Variants in UBE4B observed in about 807,000 individuals in gnomAD.
The protein encoded by UBE4B is ubiquitination factor E4B.
Under a neutral mutation model 148.1 loss-of-function variants are expected in UBE4B, and 27 were observed. That is an observed-to-expected ratio of 0.18 (90% CI 0.13 to 0.25). The LOEUF (loss-of-function observed/expected upper bound fraction) is 0.25. Ranked by LOEUF, UBE4B falls within the 10% of genes least tolerant of loss-of-function variation. The pLI, the probability that UBE4B is intolerant of heterozygous loss-of-function variation, is 1.00. For synonymous variants in UBE4B, 596 were observed against 619.3 expected (o/e 0.96, Z 0.56); for missense variants, 1,170 against 1,662.4 (o/e 0.70, Z 5.15).
At chr1:10,163,684 A>G (rs1484623979) in intron 23 of UBE4B, among the ~76,000 whole-genome samples, 2 of 152,036 alleles carry the variant, frequency 1.3e-5, no homozygotes, top group Non-Finnish European at 2.9e-5. Flanking sequence ...ATAAATAAAT[A>G]TTAAAGAGAG....
chr1:10,068,355 CTTT>C (rs111908496), intron 1 of UBE4B, among the ~76,000 whole-genome samples: 2 of 130,888 alleles, frequency 1.5e-5, no homozygotes. Flanking sequence ...TTTTCTTTTT[CTTT>C]TTTTTTTTTG....
intron 1 of UBE4B, among the ~76,000 whole-genome samples, chr1:10,067,117 C>T (rs1163255626): frequency 6.6e-6 from 1 of 152,078 alleles, no homozygotes; most frequent in Non-Finnish European, 1.5e-5. Context: ...ATAAGAGGAA[C>T]AGTTTGGCCC....
intron 1 of UBE4B, among the ~76,000 whole-genome samples, chr1:10,064,766 CTTT>C (rs1210924189): frequency 7.2e-6 from 1 of 139,202 alleles, no homozygotes; most frequent in Non-Finnish European, 1.6e-5. Flanking sequence ...CTATTCTGGA[CTTT>C]TTTTTTTTTT....
In UBE4B at chr1:10,043,421, C is replaced by CTTTTT. The variant is rs35513799; in HGVS notation, c.24+9745_24+9749dup. Among the ~76,000 whole-genome samples the CTTTTT allele has an allele frequency of 3.9e-4, 43 of 110,852 alleles. 2 individuals are homozygous for CTTTTT. Among genetic ancestry groups the CTTTTT allele is most frequent in the East Asian group, 8.3e-4 (3 of 3,602 alleles). 72.7% of individuals were successfully genotyped at this position (110,852 alleles called of 152,430 possible). On this transcript the variant is annotated intron_variant, in intron 1 of 27. Transcript: ENST00000343090. The stretch of plus-strand genomic sequence containing the variant: ...TAATATCTTTGAAATTGAGATGCTG[C>CTTTTT]TTTTTTTTTTTTTTTTTTTTTTGAG...
intron 8 of UBE4B, 22 bp downstream of exon 8, chr1:10,117,622 TAAAA>T (rs77011101): frequency 6.1e-5 from 74 of 1,212,366 alleles, no homozygotes; most frequent in Non-Finnish European, 8.1e-5. Flanking sequence ...TGGATTAACT[TAAAA>T]AAAAAAAAGC....
intron 17 of UBE4B, among the ~76,000 whole-genome samples, chr1:10,141,459 C>T (rs1645780819): frequency 6.6e-6 from 1 of 152,142 alleles, no homozygotes; most frequent in African/African-American, 2.4e-5. Context: ...CCCCTAGAGC[C>T]TCCAGAAGGA....
rs1420951347 is a variant in UBE4B at position 10,179,492 on chromosome 1, G to T, written c.3777G>T (p.Leu1259=). 1.9e-6 allele frequency: 3 copies of T among 1,613,948 alleles called. No homozygotes were observed. The Admixed American group carries it at 5.0e-5, about 27-fold the overall frequency. ...CCATCATGGACCGCTCCATCATCCT[G>T]CGGCACCTGCTCAACTCCCCCACGG... ...SGTIMDRSII[L]RHLLNSPTDP... is the part of the protein sequence containing the mutation. Residue 1259 remains leucine (L), a synonymous_variant, in exon 27 of 28, where the codon CTG becomes CTT. Transcript: ENST00000343090.
chr1:10,128,463 T>G (rs1645538339), intron 11 of UBE4B: 1 of 152,240 alleles, frequency 6.6e-6, no homozygotes, highest in Non-Finnish European at 1.5e-5. Flanking sequence ...GTGCCATACG[T>G]TGGAATCACC....
In UBE4B at chr1:10,144,964, T is replaced by A. The variant is rs746801529; in HGVS notation, c.2388T>A (p.Asn796Lys). 6.2e-7 allele frequency: 1 copy of A among 1,613,558 alleles called. No individual in the cohort carries two copies. Among genetic ancestry groups the A allele is most frequent in the Non-Finnish European group, 8.5e-7 (1 of 1,179,778 alleles). ...LNRTVEDLKN[N>K]ESQWKDSPLA... is the part of the protein sequence containing the mutation. ...GAACTGTAGAAGATTTGAAAAATAATGAAAGCCAATGGAAAGATTCCCCAC... is the reference window on the plus strand; with the variant it reads ...GAACTGTAGAAGATTTGAAAAATAAAGAAAGCCAATGGAAAGATTCCCCAC... Residue 796 changes from asparagine to lysine, a missense_variant, in exon 18 of 28, where the codon AAT becomes AAA. Asn to Lys is a moderately conservative substitution (Grantham distance 94). Around this residue, in one of 6 missense-constraint regions of UBE4B, gnomAD observed 388 missense variants for 536.0 expected, o/e 0.72. Transcript: ENST00000343090.
chr1:10,055,278 C>A (rs1342928110), intron 1 of UBE4B, among the ~76,000 whole-genome samples: 1 of 151,148 alleles, frequency 6.6e-6, no homozygotes, highest in Non-Finnish European at 1.5e-5. Flanking sequence ...ATCATTTTTT[C>A]TTTTCTTTTC....
At chr1:10,149,382 T>C in intron 20 of UBE4B, 100 bp downstream of exon 20, 1 of 939,022 alleles carries the variant, frequency 1.1e-6, no homozygotes, top group East Asian at 2.8e-5. Flanking sequence ...TGCCTGAAAT[T>C]TGATGTAACT....
chr1:10,120,273 C>G (rs1471719316), intron 9 of UBE4B, among the ~76,000 whole-genome samples: 2 of 152,180 alleles, frequency 1.3e-5, no homozygotes, highest in South Asian at 4.1e-4. Context: ...GTAATCCCAG[C>G]ACTTTGGGAG....
At chr1:10,033,726 A>G in intron 1 of UBE4B, 32 bp downstream of exon 1, 1 of 1,541,196 alleles carries the variant, frequency 6.5e-7, no homozygotes, top group Non-Finnish European at 8.7e-7. Flanking sequence ...TTGAGGGATT[A>G]GTTGGCAACT....
chr1:10,039,016 C>T (rs943963538), intron 1 of UBE4B, among the ~76,000 whole-genome samples: 1 of 151,828 alleles, frequency 6.6e-6, no homozygotes, highest in Non-Finnish European at 1.5e-5. Flanking sequence ...GCCGAGATTG[C>T]GCCACTGTAC....
At chr1:10,127,010 G>C in intron 11 of UBE4B, 133 bp downstream of exon 11, 1 of 783,218 alleles carries the variant, frequency 1.3e-6, no homozygotes, top group Non-Finnish European at 2.1e-6. Flanking sequence ...CACTGTGTTG[G>C]CCATGCAGAG....
intron 9 of UBE4B, among the ~76,000 whole-genome samples, chr1:10,120,096 ATTTTTG>A (rs1378549688): frequency 6.6e-6 from 1 of 152,178 alleles, no homozygotes; most frequent in African/African-American, 2.4e-5. Flanking sequence ...AAGGTTGCAA[ATTTTTG>A]TTTTTATTTT....
At chr1:10,074,800 C>T (rs1644550633) in intron 2 of UBE4B, among the ~76,000 whole-genome samples, 1 of 152,224 alleles carries the variant, frequency 6.6e-6, no homozygotes, top group Non-Finnish European at 1.5e-5. Context: ...AACCTCTTGT[C>T]CTTTCCATCC....
At chr1:10,068,413 G>A (rs558431555) in intron 1 of UBE4B, among the ~76,000 whole-genome samples, 3 of 144,106 alleles carry the variant, frequency 2.1e-5, no homozygotes, top group African/African-American at 5.2e-5. Context: ...GCAGTGGTGC[G>A]ATCTCAGCTC....
intron 1 of UBE4B, among the ~76,000 whole-genome samples, chr1:10,058,109 C>T (rs1161443144): frequency 3.3e-5 from 5 of 152,220 alleles, no homozygotes; most frequent in African/African-American, 9.6e-5. Flanking sequence ...CTAGAGGTGA[C>T]GTGTTTGAGC....
Sources: allele counts gnomAD v4.1 joint callset (sites outside exome capture counted in the v4.1 genomes callset), GRCh38; gene constraint gnomAD v4.1.1; regional missense constraint gnomAD v4.1.1; transcripts MANE v1.5; gene names NCBI Gene and HGNC (gene_info 2026-07-23, HGNC 2026-07-21).